PPP1CB: variants seen among roughly 807,000 people sequenced by gnomAD.
PPP1CB encodes protein phosphatase 1 catalytic subunit beta, also known as serine/threonine-protein phosphatase PP1-beta catalytic subunit.
In PPP1CB, 2 loss-of-function variants were observed where a neutral mutation model predicts 43.7. The observed-to-expected ratio is 0.05, with a 90% CI of 0.02 to 0.14. The LOEUF (loss-of-function observed/expected upper bound fraction) is 0.14. PPP1CB is among the 10% of genes least tolerant of loss of function. The pLI, the probability that PPP1CB is intolerant of heterozygous loss-of-function variation, is 1.00. For synonymous variants in PPP1CB, 136 were observed against 135.6 expected (o/e 1.00, Z -0.02); for missense variants, 84 against 398.0 (o/e 0.21, Z 6.71).
At position 28,752,139 on chromosome 2, in the gene PPP1CB, G is replaced by A; in HGVS notation, c.15G>A (p.Glu5=). MADG[E]LNVDSLITRL... is the part of the protein sequence containing the mutation. The stretch of plus-strand genomic sequence containing the variant: ...GTGCCGACAAGATGGCGGACGGGGA[G>A]CTGAACGTGGACAGCCTCATCACCC... The change falls in exon 1 of 8, where the codon GAG becomes GAA. Residue 5 remains glutamate (E), a synonymous_variant. Coordinates refer to ENST00000395366, the MANE Select transcript of PPP1CB (RefSeq NM_002709.3). 6.5e-7 allele frequency: 1 copy of A among 1,549,738 alleles called. No individual in the cohort carries two copies. Among genetic ancestry groups the A allele is most frequent in the Non-Finnish European group, 8.7e-7 (1 of 1,146,122 alleles).
At chr2:28,756,331 G>A (rs1380086576) in intron 1 of PPP1CB, among the ~76,000 whole-genome samples, 1 of 152,180 alleles carries the variant, frequency 6.6e-6, no homozygotes, top group Non-Finnish European at 1.5e-5. Flanking sequence ...TATGAAAATC[G>A]TGGGATGTGT....
chr2:28,754,627 G>C (rs1384032224), intron 1 of PPP1CB, among the ~76,000 whole-genome samples: 1 of 152,156 alleles, frequency 6.6e-6, no homozygotes, highest in African/African-American at 2.4e-5. Flanking sequence ...AGGTTTTTCA[G>C]CTCCTTCCCA....
At chr2:28,751,792 CG>C (rs1666278916), upstream of PPP1CB, 1 of 416,420 alleles carries the variant, frequency 2.4e-6, no homozygotes. Context: ...GAGTGAGTGG[CG>C]CTGCGGGTGG....
Position 28,752,054 on chromosome 2 carries a change from C to G in PPP1CB, c.-71C>G, listed in dbSNP as rs1028148188. 2 of 1,439,128 alleles carry G rather than the reference C, an allele frequency of 1.4e-6. No individual in the cohort carries two copies. Among genetic ancestry groups the G allele is most frequent in the Non-Finnish European group, 1.9e-6 (2 of 1,045,772 alleles). The allele number at this position is 1,439,128 out of a possible 1,614,324, so 89.1% of individuals were successfully genotyped here. On this transcript the variant is annotated 5_prime_UTR_variant, in exon 1 of 8. Coordinates refer to ENST00000395366, the MANE Select transcript of PPP1CB (RefSeq NM_002709.3). ...GACTTGTAGGTGAGAGAACGCCGAG[C>G]CGTCGCCGCAGCCTCCGCCGCCGAG...
chr2:28,775,869 A>G (rs1369991312), intron 1 of PPP1CB, among the ~76,000 whole-genome samples: 1 of 152,144 alleles, frequency 6.6e-6, no homozygotes, highest in Non-Finnish European at 1.5e-5. Flanking sequence ...GTTACTGGAA[A>G]CCATATTATC....
chr2:28,754,349 G>C (rs1168988771), intron 1 of PPP1CB, among the ~76,000 whole-genome samples: 1 of 134,112 alleles, frequency 7.5e-6, no homozygotes, highest in Middle Eastern at 3.6e-3. Context: ...GGGGGGCGGG[G>C]GGGGGGCGGG....
Position 28,792,167 on chromosome 2 carries a change from C to A in PPP1CB, c.745-1696C>A, listed in dbSNP as rs146083129. Among the ~76,000 whole-genome samples, 1,075 of 152,034 alleles carry A rather than the reference C, an allele frequency of 7.1e-3. 10 individuals carry two copies. Among genetic ancestry groups the A allele is most frequent in the African/African-American group, 0.025 (1,022 of 41,458 alleles). On this transcript the variant is annotated intron_variant, in intron 6 of 7. Coordinates refer to ENST00000395366, the MANE Select transcript of PPP1CB (RefSeq NM_002709.3). ...GCCAGCCTGAAAAACATGGAGAAAC[C>A]CCATCTCTACTAAAAATATAAAATT...
At chr2:28,783,598 A>T (rs1017817240) in intron 4 of PPP1CB, among the ~76,000 whole-genome samples, 4 of 152,106 alleles carry the variant, frequency 2.6e-5, no homozygotes, top group Non-Finnish European at 5.9e-5. Flanking sequence ...TCTACTAAAA[A>T]TACAAAAAAT....
intron 6 of PPP1CB, among the ~76,000 whole-genome samples, chr2:28,792,443 C>T (rs1406160848): frequency 6.6e-6 from 1 of 151,984 alleles, no homozygotes; most frequent in Non-Finnish European, 1.5e-5. Flanking sequence ...ATCTCTTGAG[C>T]CCCAGGAAGT....
At chr2:28,770,801 A>G (rs939790416) in intron 1 of PPP1CB, among the ~76,000 whole-genome samples, 6 of 152,150 alleles carry the variant, frequency 3.9e-5, no homozygotes, top group African/African-American at 1.4e-4. Flanking sequence ...TATGTATGAA[A>G]CATTTACTAA....
At chr2:28,781,967 G>T in intron 4 of PPP1CB, 125 bp downstream of exon 4, 1 of 716,118 alleles carries the variant, frequency 1.4e-6, no homozygotes, top group Non-Finnish European at 2.5e-6. Context: ...GATTAAAACT[G>T]TTTTAAACAT....
intron 5 of PPP1CB, among the ~76,000 whole-genome samples, chr2:28,788,322 C>G (rs991729140): frequency 1.3e-5 from 2 of 152,196 alleles, no homozygotes; most frequent in Admixed American, 1.3e-4. Flanking sequence ...GGAAATACCA[C>G]TGGGTTGTTT....
At chr2:28,754,140 G>T (rs765186826) in intron 1 of PPP1CB, among the ~76,000 whole-genome samples, 10 of 151,640 alleles carry the variant, frequency 6.6e-5, no homozygotes, top group Non-Finnish European at 1.5e-4. Flanking sequence ...TATTTTGTAG[G>T]CATAAAACAG....
intron 7 of PPP1CB, 25 bp downstream of exon 7, chr2:28,794,022 A>G (rs773358550): frequency 3.2e-6 from 5 of 1,548,134 alleles, no homozygotes; most frequent in Non-Finnish European, 4.4e-6. Flanking sequence ...TAAATATATA[A>G]GAACTAGAAA....
At chr2:28,763,852 C>T (rs767905342) in intron 1 of PPP1CB, among the ~76,000 whole-genome samples, 9 of 152,054 alleles carry the variant, frequency 5.9e-5, no homozygotes, top group Non-Finnish European at 1.3e-4. Flanking sequence ...ATTACAGGTG[C>T]GCGCCACCAC....
chr2:28,788,607 C>G, intron 5 of PPP1CB, 51 bp from the exon 6 acceptor site: 1 of 1,568,416 alleles, frequency 6.4e-7, no homozygotes, highest in South Asian at 1.1e-5. Context: ...GTGCTATATT[C>G]TATAAATCTG....
intron 1 of PPP1CB, among the ~76,000 whole-genome samples, chr2:28,773,849 T>G (rs1322818026): frequency 2.0e-5 from 3 of 152,216 alleles, no homozygotes; most frequent in African/African-American, 7.2e-5. Context: ...TCTAACTGCA[T>G]TCATCAACTC....
At chr2:28,769,245 T>A (rs978189759) in intron 1 of PPP1CB, among the ~76,000 whole-genome samples, 4 of 152,198 alleles carry the variant, frequency 2.6e-5, no homozygotes, top group Admixed American at 1.3e-4. Context: ...GAATTCTTTA[T>A]TTATTTTGAG....
At chr2:28,787,695 T>A (rs532016478) in intron 5 of PPP1CB, among the ~76,000 whole-genome samples, 10 of 152,326 alleles carry the variant, frequency 6.6e-5, no homozygotes, top group African/African-American at 1.9e-4. Context: ...GACGATTGTT[T>A]CCCCTTTCGG....
Sources: gnomAD v4.1 joint callset for allele counts (sites outside exome capture counted in the v4.1 genomes callset) on GRCh38, gnomAD v4.1.1 for gene constraint, MANE v1.5 for transcripts, NCBI Gene and HGNC (gene_info 2026-07-23, HGNC 2026-07-21) for gene names.